The following TMEM74 variants were observed in gnomAD, a reference collection of about 807,000 sequenced individuals.
TMEM74 encodes transmembrane protein 74.
A neutral mutation model predicts 18.1 loss-of-function variants in TMEM74; 13 were observed. That is an observed-to-expected ratio of 0.72 (90% CI 0.47 to 1.14). The LOEUF (loss-of-function observed/expected upper bound fraction) is 1.14, where lower values mean the gene tolerates loss of function less well. Among genes scored for constraint, TMEM74 ranks in the 50% most tolerant of loss-of-function variants. The probability of loss-of-function intolerance (pLI) is 0.00; values close to 1 mark genes in which losing one functional copy is unlikely to be tolerated. For missense variants in TMEM74, 372 were observed against 375.9 expected, an observed-to-expected ratio of 0.99 and a Z score of 0.09; for synonymous variants, 159 against 146.6, an observed-to-expected ratio of 1.08 and a Z score of -0.61.
intron 1 of TMEM74, among the ~76,000 whole-genome samples, chr8:108,771,088 A>C (rs1814166064): frequency 1.3e-5 from 2 of 152,196 alleles, no homozygotes; most frequent in Non-Finnish European, 2.9e-5. Flanking sequence ...GGGGAGGTCA[A>C]GATAATTAAT....
intron 2 of TMEM74, among the ~76,000 whole-genome samples, chr8:108,625,821 TA>T (rs1333055097): frequency 1.3e-5 from 2 of 151,892 alleles, no homozygotes. Flanking sequence ...CTGATATGCC[TA>T]AAAAAATTAT....
intron 2 of TMEM74, among the ~76,000 whole-genome samples, chr8:108,638,067 C>T (rs1161601318): frequency 6.6e-6 from 1 of 152,100 alleles, no homozygotes; most frequent in Non-Finnish European, 1.5e-5. Context: ...TGCACTTCTA[C>T]GTGCATGTCT....
At chr8:108,663,583 A>G (rs984234052) in intron 1 of TMEM74, among the ~76,000 whole-genome samples, 1 of 152,188 alleles carries the variant, frequency 6.6e-6, no homozygotes, top group Non-Finnish European at 1.5e-5. Context: ...CAGAAATAAC[A>G]TTTGACCCAG....
chr8:108,681,213 A>T (rs1372105642), intron 1 of TMEM74, among the ~76,000 whole-genome samples: 2 of 152,206 alleles, frequency 1.3e-5, no homozygotes, highest in Non-Finnish European at 2.9e-5. Context: ...CGCCAAGTCA[A>T]TCCTAAGCCA....
intron 1 of TMEM74, among the ~76,000 whole-genome samples, chr8:108,699,143 CT>C: frequency 1.3e-5 from 1 of 74,504 alleles, no homozygotes; most frequent in African/African-American, 5.4e-5. Context: ...TCCCCTCCCT[CT>C]TTTCCTTCCT....
intron 1 of TMEM74, among the ~76,000 whole-genome samples, chr8:108,694,416 A>G (rs1813261030): frequency 6.6e-6 from 1 of 152,256 alleles, no homozygotes; most frequent in Non-Finnish European, 1.5e-5. Context: ...AGTGAAAAAA[A>G]ACCCAGATAC....
intron 1 of TMEM74, among the ~76,000 whole-genome samples, chr8:108,769,038 C>T (rs764064391): frequency 1.3e-5 from 2 of 152,050 alleles, no homozygotes; most frequent in African/African-American, 2.4e-5. Context: ...CATGGAGGCT[C>T]ACGCCTATAA....
rs537589112 is a variant in TMEM74 at position 108,666,745 on chromosome 8, T to C, written n.120-11308A>G. Reference sequence around the variant, plus strand: ...ATCTCTTGGCCCAGATTTAAGAGCATTGGGGTTTTAAAGGCCCAGTGGCTT... The same window carrying C: ...ATCTCTTGGCCCAGATTTAAGAGCACTGGGGTTTTAAAGGCCCAGTGGCTT... On this transcript the variant is annotated intron_variant and non_coding_transcript_variant, in intron 1 of 3. Coordinates refer to the TMEM74 transcript ENST00000518838. Among the ~76,000 whole-genome samples the C allele has an allele frequency of 8.5e-5, 13 of 152,226 alleles. 1 individual carries two copies. Among genetic ancestry groups the C allele is most frequent in the South Asian group, 8.3e-4 (4 of 4,812 alleles).
At chr8:108,626,308 G>A (rs957268996) in intron 2 of TMEM74, among the ~76,000 whole-genome samples, 1 of 151,966 alleles carries the variant, frequency 6.6e-6, no homozygotes, top group African/African-American at 2.4e-5. Context: ...TGCTCTGAAT[G>A]TCCCTCTTAC....
At chr8:108,764,924 T>C (rs148584400) in intron 1 of TMEM74, among the ~76,000 whole-genome samples, 1 of 152,204 alleles carries the variant, frequency 6.6e-6, no homozygotes, top group Non-Finnish European at 1.5e-5. Context: ...AGAAAATCCA[T>C]AAGAACTCAA....
chr8:108,624,524 C>G (rs1223784292), intron 2 of TMEM74, among the ~76,000 whole-genome samples: 2 of 152,076 alleles, frequency 1.3e-5, no homozygotes, highest in African/African-American at 4.8e-5. Flanking sequence ...AGAATGCTGT[C>G]CTCTGACATG....
At chr8:108,737,535 A>C (rs1813760752) in intron 1 of TMEM74, among the ~76,000 whole-genome samples, 1 of 151,952 alleles carries the variant, frequency 6.6e-6, no homozygotes, top group Non-Finnish European at 1.5e-5. Context: ...ATTAAAATTC[A>C]TTTTCTATCA....
At chr8:108,640,294 A>G (rs1206953651) in intron 2 of TMEM74, among the ~76,000 whole-genome samples, 6 of 151,222 alleles carry the variant, frequency 4.0e-5, no homozygotes, top group African/African-American at 1.5e-4. Context: ...TTGTGTTTTT[A>G]GTAGAGACAG....
intron 1 of TMEM74, among the ~76,000 whole-genome samples, chr8:108,688,343 G>A (rs142276649): frequency 5.9e-5 from 9 of 152,250 alleles, no homozygotes; most frequent in Admixed American, 1.3e-4. Flanking sequence ...GCCCTTGAGC[G>A]TGTGAGATCA....
At chr8:108,715,931 G>A (rs1813519076) in intron 1 of TMEM74, among the ~76,000 whole-genome samples, 1 of 151,950 alleles carries the variant, frequency 6.6e-6, no homozygotes, top group Admixed American at 6.6e-5. Context: ...TATTCATTAA[G>A]CCATAGAATA....
chr8:108,750,720 C>A (rs1298935491), intron 1 of TMEM74, among the ~76,000 whole-genome samples: 1 of 152,114 alleles, frequency 6.6e-6, no homozygotes, highest in African/African-American at 2.4e-5. Context: ...CGTACAACTG[C>A]CTGAACACAC....
At chr8:108,751,572 A>G (rs1182703451) in intron 1 of TMEM74, among the ~76,000 whole-genome samples, 1 of 152,148 alleles carries the variant, frequency 6.6e-6, no homozygotes, top group Non-Finnish European at 1.5e-5. Flanking sequence ...CAATAGCTGT[A>G]TGTTATACTG....
chr8:108,619,895 G>A (rs1345173381), intron 2 of TMEM74, among the ~76,000 whole-genome samples: 1 of 152,158 alleles, frequency 6.6e-6, no homozygotes, highest in East Asian at 1.9e-4. Flanking sequence ...TGTAAAAGGA[G>A]GAGAGTCTAT....
Position 108,679,352 on chromosome 8 carries a change from A to G in TMEM74, n.120-23915T>C, listed in dbSNP as rs537819339. Among the ~76,000 whole-genome samples the G allele has an allele frequency of 2.6e-5, 4 of 152,316 alleles. No homozygotes were observed. The South Asian group carries it at 8.3e-4, about 32-fold the overall frequency. Reference sequence around the variant, plus strand: ...AATTCCACAAGGGCTGAACTAGTTTACAGTCCCACCAACAGTGTAAAAGTG... The same window carrying G: ...AATTCCACAAGGGCTGAACTAGTTTGCAGTCCCACCAACAGTGTAAAAGTG... On this transcript the variant is annotated intron_variant and non_coding_transcript_variant, in intron 1 of 3. Transcript: ENST00000518838.
Sources: gnomAD v4.1 joint callset for allele counts (sites outside exome capture counted in the v4.1 genomes callset) on GRCh38, gnomAD v4.1.1 for gene constraint, MANE v1.5 for transcripts, NCBI Gene and HGNC (gene_info 2026-07-23, HGNC 2026-07-21) for gene names.